Variants in GNA15 observed in about 807,000 individuals in gnomAD.
GNA15 encodes the protein guanine nucleotide-binding protein subunit alpha-15.
Under a neutral mutation model 40.1 loss-of-function variants are expected in GNA15, and 23 were observed. The observed-to-expected ratio is 0.57, with a 90% CI of 0.41 to 0.81. The LOEUF (loss-of-function observed/expected upper bound fraction) is 0.81, where lower values mean the gene tolerates loss of function less well. Among genes scored for constraint, GNA15 ranks in the 40% least tolerant of loss-of-function variants. The pLI is 0.00. For synonymous variants in GNA15, 226 were observed against 210.4 expected (o/e 1.07, Z -0.64); for missense variants, 522 against 515.8 (o/e 1.01, Z -0.12).
chr19:3,157,690 C>T, intron 5 of GNA15, 38 bp from the exon 6 acceptor site: 2 of 1,595,424 alleles, frequency 1.3e-6, no homozygotes, highest in Non-Finnish European at 1.7e-6. Flanking sequence ...TCCCACCTGG[C>T]TGGTTGAAGC....
In GNA15 at chr19:3,155,782, G is replaced by A; in HGVS notation, c.615-41G>A. Reference sequence around the variant, plus strand: ...TGGGGGTTGGGGGTGTCACGGAGCAGGCTCCTGAGCTCTGAAAGGGGGCAC... The same window carrying A: ...TGGGGGTTGGGGGTGTCACGGAGCAAGCTCCTGAGCTCTGAAAGGGGGCAC... On this transcript the variant is annotated intron_variant, in intron 4 of 6. Coordinates refer to ENST00000262958, the MANE Select transcript of GNA15 (RefSeq NM_002068.4). The surrounding 1 kb of genome is among the most constrained non-coding windows in gnomAD (Gnocchi z 5.6). 1 of 1,601,224 alleles carries A rather than the reference G, an allele frequency of 6.2e-7. No individual in the cohort carries two copies. The highest frequency in any genetic ancestry group is 1.1e-5 in the South Asian group (1 of 89,828).
chr19:3,162,312 C>T (rs1019926310), intron 6 of GNA15, among the ~76,000 whole-genome samples: 5 of 151,470 alleles, frequency 3.3e-5, no homozygotes, highest in Admixed American at 2.6e-4. Context: ...TGGTGGCAGG[C>T]GCCTGTAATC....
In GNA15 at chr19:3,148,750, T is replaced by G. The variant is rs758854339; in HGVS notation, c.305T>G (p.Ile102Ser). ...ATCGAGGCCATGGAGCGGCTGCAGA[T>G]TCCATTCAGCAGGCCCGAGAGCAAG... ...AMIEAMERLQ[I>S]PFSRPESKHH... is the part of the protein sequence containing the mutation. Residue 102 changes from isoleucine (I) to serine (S), a missense_variant, in exon 2 of 7, where the codon ATT (isoleucine) becomes AGT (serine). Physicochemically the swap from Ile to Ser is moderately radical, Grantham distance 142. Transcript: ENST00000262958. The G allele has an allele frequency of 2.5e-6, 4 of 1,602,270 alleles. No homozygotes were observed. In the African/African-American group the frequency reaches 4.0e-5, roughly 16 times the overall value.
chr19:3,150,965 C>G (rs1914868583), intron 3 of GNA15, among the ~76,000 whole-genome samples: 1 of 150,952 alleles, frequency 6.6e-6, no homozygotes, highest in South Asian at 2.1e-4. Context: ...TGATCCTTTT[C>G]CTGGAGTGAC....
chr19:3,144,764 G>C (rs540758785), intron 1 of GNA15, among the ~76,000 whole-genome samples: 1 of 151,478 alleles, frequency 6.6e-6, no homozygotes, highest in Non-Finnish European at 1.5e-5. Context: ...TCCTGACCTC[G>C]TGATCCGCCC....
chr19:3,143,278 A>G lies in GNA15; in HGVS notation c.146-5313A>G, dbSNP rs1277578158. 3 of 152,186 alleles carry G rather than the reference A, an allele frequency of 2.0e-5. No homozygotes were observed. In the South Asian group the frequency reaches 6.2e-4, roughly 31 times the overall value. 9.4% of individuals were successfully genotyped at this position (152,186 alleles called of 1,614,324 possible). A position where few individuals can be genotyped will look rare whatever the true frequency, so the allele number is the denominator to read the frequency against. Reference sequence around the variant, plus strand: ...GGCTCGGGGTTGGGAAGACGGTAAGATTTAAATCATGCTAGCTGTGATTTT... The same window carrying G: ...GGCTCGGGGTTGGGAAGACGGTAAGGTTTAAATCATGCTAGCTGTGATTTT... On this transcript the variant is annotated intron_variant, in intron 1 of 6. Coordinates refer to ENST00000262958, the MANE Select transcript of GNA15 (RefSeq NM_002068.4).
intron 1 of GNA15, 32 bp from the exon 2 acceptor site, chr19:3,148,559 A>G: frequency 6.6e-7 from 1 of 1,523,872 alleles, no homozygotes; most frequent in South Asian, 1.2e-5. Context: ...AGTCCCGTGG[A>G]GGGCTGAGCG....
chr19:3,138,917 C>T (rs1047732489), intron 1 of GNA15, among the ~76,000 whole-genome samples: 4 of 141,768 alleles, frequency 2.8e-5, no homozygotes, highest in African/African-American at 1.1e-4. Flanking sequence ...GGATTACAGG[C>T]GTGAGCCACC....
chr19:3,154,828 A>C (rs1425058563), intron 4 of GNA15, among the ~76,000 whole-genome samples: 1 of 151,978 alleles, frequency 6.6e-6, no homozygotes, highest in East Asian at 1.9e-4. Context: ...AGAGGCTGGG[A>C]AATCATGGGG....
At position 3,137,550 on chromosome 19, in the gene GNA15, G is replaced by A. The variant is rs375394876; in HGVS notation, c.145+955G>A. On this transcript the variant is annotated intron_variant, in intron 1 of 6. Coordinates refer to ENST00000262958, the MANE Select transcript of GNA15 (RefSeq NM_002068.4). ...TGTAATCCCAGCACTTTGGGAGGCC[G>A]AGGTGGGTGGATCACAAGGTCGGGA... is the stretch of plus-strand genomic sequence containing the variant. Among the ~76,000 whole-genome samples the A allele has an allele frequency of 1.7e-4, 26 of 151,972 alleles. No individual in the cohort carries two copies. In the East Asian group the frequency reaches 1.9e-3, roughly 11 times the overall value.
At chr19:3,158,160 T>C (rs1364937611) in intron 6 of GNA15, among the ~76,000 whole-genome samples, 2 of 152,130 alleles carry the variant, frequency 1.3e-5, no homozygotes, top group Non-Finnish European at 2.9e-5. Flanking sequence ...TATTTATTTA[T>C]TTATTTTTGA....
chr19:3,162,238 G>A (rs540264705), intron 6 of GNA15, among the ~76,000 whole-genome samples: 14 of 151,564 alleles, frequency 9.2e-5, no homozygotes, highest in Non-Finnish European at 1.9e-4. Context: ...TCAGGAGTTC[G>A]AGACCAGCCT....
At chr19:3,156,441 AG>A (rs1968320190) in intron 5 of GNA15, among the ~76,000 whole-genome samples, 1 of 149,768 alleles carries the variant, frequency 6.7e-6, no homozygotes, top group South Asian at 2.1e-4. Flanking sequence ...GCACACACAC[AG>A]TACACACATG....
At chr19:3,148,541 G>A in intron 1 of GNA15, 50 bp from the exon 2 acceptor site, 1 of 1,495,918 alleles carries the variant, frequency 6.7e-7, no homozygotes, top group South Asian at 1.3e-5. Context: ...GGGGGTGTCG[G>A]GGGTGGGAGT....
At chr19:3,138,826 G>T (rs1317209526) in intron 1 of GNA15, among the ~76,000 whole-genome samples, 2 of 149,946 alleles carry the variant, frequency 1.3e-5, no homozygotes, top group Middle Eastern at 3.2e-3. Context: ...TTTTAGTAGA[G>T]ATGGGGTTCC....
chr19:3,154,169 A>T (rs772242903), intron 4 of GNA15, among the ~76,000 whole-genome samples: 1 of 100,354 alleles, frequency 1.0e-5, no homozygotes, highest in Non-Finnish European at 2.4e-5. Flanking sequence ...GGTGGGATGG[A>T]TGGATGGATG....
intron 1 of GNA15, among the ~76,000 whole-genome samples, chr19:3,138,795 T>A (rs1385917500): frequency 2.2e-5 from 2 of 89,686 alleles, no homozygotes; most frequent in African/African-American, 4.0e-5. Flanking sequence ...CACGCCCAGT[T>A]AATTTTTTTT....
rs1318333423 is a variant in GNA15 at position 3,151,757 on chromosome 19, C to T, written c.536C>T (p.Ala179Val). ...ACCGAGGAGGGCTACGTCCCCACAG[C>T]TCAGGACGTGCTCCGCAGCCGCATG... ...RITEEGYVPT[A>V]QDVLRSRMPT... The change falls in exon 4 of 7, where the codon GCT becomes GTT. Residue 179 changes from alanine (A) to valine (V), a missense_variant. Transcript: ENST00000262958. The surrounding 1 kb of genome is among the most constrained non-coding windows in gnomAD (Gnocchi z 5.0). 6.2e-7 allele frequency: 1 copy of T among 1,612,072 alleles called. No homozygotes were observed. The highest frequency in any genetic ancestry group is 1.3e-5 in the African/African-American group (1 of 74,894).
intron 5 of GNA15, among the ~76,000 whole-genome samples, chr19:3,156,214 A>ACACGCACATGCACG (rs1915013490): frequency 6.7e-6 from 1 of 148,540 alleles, no homozygotes; most frequent in African/African-American, 2.5e-5. Flanking sequence ...TACAGTGCAC[A>ACACGCACATGCACG]CACGCACATA....
Sources: allele counts gnomAD v4.1 joint callset (sites outside exome capture counted in the v4.1 genomes callset), GRCh38; gene constraint gnomAD v4.1.1; non-coding constraint Gnocchi (gnomAD v3.1); transcripts MANE v1.5; gene names NCBI Gene and HGNC (gene_info 2026-07-23, HGNC 2026-07-21).